MCC: variants seen among roughly 807,000 people sequenced by gnomAD.
MCC encodes the protein colorectal mutant cancer protein.
Under a neutral mutation model 116.2 loss-of-function variants are expected in MCC, and 90 were observed. That is an observed-to-expected ratio of 0.77 (90% confidence interval 0.65 to 0.92). MCC has a LOEUF of 0.92. Among genes scored for constraint, MCC ranks in the 40% least tolerant of loss-of-function variants. The probability of loss-of-function intolerance (pLI) is 0.00; values close to 1 mark genes in which losing one functional copy is unlikely to be tolerated. For synonymous variants in MCC, 578 were observed against 510.5 expected, an observed-to-expected ratio of 1.13 and a Z score of -1.78; for missense variants, 1,516 against 1,312.2, an observed-to-expected ratio of 1.16 and a Z score of -2.40.
In MCC at chr5:113,027,470, A is replaced by G. The variant is rs1580867196; in HGVS notation, c.2892T>C (p.Ala964=). 6.2e-7 allele frequency: 1 copy of G among 1,614,172 alleles called. No individual in the cohort carries two copies. The highest frequency in any genetic ancestry group is 1.3e-5 in the African/African-American group (1 of 75,052). The change falls in exon 19 of 19, where the codon GCT becomes GCC. Residue 964 remains alanine, a synonymous_variant. Coordinates refer to ENST00000408903, the MANE Select transcript of MCC (RefSeq NM_001085377.2). ...GCTTTTTCTTTGCTTTCTCATAGGC[A>G]GCCACCAGGTTGCTAGGTGGGAATG... ...DLKRANSNLV[A]AYEKAKKKHQ... is the part of the protein sequence containing the mutation.
intron 3 of MCC, among the ~76,000 whole-genome samples, chr5:113,298,765 C>T (rs1227531208): frequency 1.3e-5 from 2 of 152,100 alleles, no homozygotes; most frequent in South Asian, 2.1e-4. Flanking sequence ...GTAGGGAAGA[C>T]AAGAATTCAG....
intron 6 of MCC, among the ~76,000 whole-genome samples, chr5:113,116,011 C>T (rs532698411): frequency 1.3e-5 from 2 of 152,324 alleles, no homozygotes; most frequent in Non-Finnish European, 2.9e-5. Flanking sequence ...TGACCACAGC[C>T]CAGCTCTCAG....
chr5:113,191,366 A>T (rs376243247), intron 3 of MCC, among the ~76,000 whole-genome samples: 1 of 152,080 alleles, frequency 6.6e-6, no homozygotes, highest in Non-Finnish European at 1.5e-5. Context: ...ACTTTTTAAC[A>T]TCTCTCCTTC....
intron 3 of MCC, among the ~76,000 whole-genome samples, chr5:113,189,278 A>G (rs1324000885): frequency 1.3e-5 from 2 of 152,198 alleles, no homozygotes; most frequent in Non-Finnish European, 2.9e-5. Context: ...ACTCTCAGTT[A>G]TGGCTCTGGG....
At chr5:113,049,489 A>G (rs1752348208) in intron 15 of MCC, among the ~76,000 whole-genome samples, 190 bp from the exon 16 acceptor site, 1 of 152,226 alleles carries the variant, frequency 6.6e-6, no homozygotes, top group Non-Finnish European at 1.5e-5. Context: ...TAAAGGAATG[A>G]CGTATGGACA....
intron 1 of MCC, among the ~76,000 whole-genome samples, chr5:113,476,549 T>G (rs948334024): frequency 1.3e-5 from 2 of 152,192 alleles, no homozygotes; most frequent in East Asian, 3.8e-4. Context: ...CTCAAGTGGA[T>G]CATAGACTTA....
intron 2 of MCC, among the ~76,000 whole-genome samples, chr5:113,371,670 T>C (rs1190022331): frequency 6.6e-6 from 1 of 152,158 alleles, no homozygotes; most frequent in Non-Finnish European, 1.5e-5. Context: ...ACACAATTCT[T>C]CCAAAACAAC....
chr5:113,246,595 G>C (rs2150341580), intron 3 of MCC, among the ~76,000 whole-genome samples: 1 of 152,334 alleles, frequency 6.6e-6, no homozygotes, highest in East Asian at 1.9e-4. Context: ...TGGATACAGA[G>C]GCTGAGAGCC....
At chr5:113,471,720 G>A (rs938578984) in intron 1 of MCC, among the ~76,000 whole-genome samples, 1 of 144,708 alleles carries the variant, frequency 6.9e-6, no homozygotes, top group Non-Finnish European at 1.5e-5. Flanking sequence ...ATTTAAGTCT[G>A]CAGAGGTTAC....
At chr5:113,085,058 G>C (rs1478245656) in intron 9 of MCC, 106 bp downstream of exon 9, 13 of 1,486,604 alleles carry the variant, frequency 8.7e-6, no homozygotes, top group Non-Finnish European at 1.1e-5. Context: ...GAAGCCCCTT[G>C]TGCTGTCTCA....
At chr5:113,291,234 G>C (rs1041503641) in intron 3 of MCC, among the ~76,000 whole-genome samples, 1 of 152,264 alleles carries the variant, frequency 6.6e-6, no homozygotes, top group East Asian at 1.9e-4. Flanking sequence ...TCCTAATTGT[G>C]TATCCCTCGC....
chr5:113,473,372 A>G (rs1772146818), intron 1 of MCC, among the ~76,000 whole-genome samples: 1 of 151,996 alleles, frequency 6.6e-6, no homozygotes, highest in Non-Finnish European at 1.5e-5. Context: ...AAAAATGTTT[A>G]AATTAGCTGG....
intron 3 of MCC, among the ~76,000 whole-genome samples, chr5:113,164,575 A>G (rs778338729): frequency 6.6e-6 from 1 of 152,222 alleles, no homozygotes; most frequent in Non-Finnish European, 1.5e-5. Flanking sequence ...CGTGTCGATC[A>G]CTTTACAAGA....
chr5:113,041,628 C>T (rs931804699), intron 17 of MCC, among the ~76,000 whole-genome samples: 1 of 152,066 alleles, frequency 6.6e-6, no homozygotes, highest in Admixed American at 6.6e-5. Flanking sequence ...TCTGATATGA[C>T]CCAGCTGACA....
chr5:113,369,327 A>C lies in MCC; in HGVS notation c.415+15641T>G, dbSNP rs972546179. ...CAACCATCAGTCAACTCATTAGCAC[A>C]TAAAAATACCTCACATTTGGAGATT... On this transcript the variant is annotated intron_variant, in intron 2 of 18. Transcript: ENST00000408903. 5.3e-5 allele frequency among the ~76,000 whole-genome samples: 8 copies of C among 152,342 alleles called. No homozygotes were observed. In the East Asian group the frequency reaches 1.4e-3, roughly 26 times the overall value.
chr5:113,361,558 T>C (rs967682462), intron 2 of MCC, among the ~76,000 whole-genome samples: 1 of 152,162 alleles, frequency 6.6e-6, no homozygotes, highest in Non-Finnish European at 1.5e-5. Flanking sequence ...TCTTTAAGAG[T>C]ATATTTGTGA....
intron 1 of MCC, among the ~76,000 whole-genome samples, chr5:113,466,932 CAG>C (rs1771926328): frequency 6.6e-6 from 1 of 151,100 alleles, no homozygotes; most frequent in South Asian, 2.1e-4. Flanking sequence ...CTCTGATGGC[CAG>C]TGATGATGAG....
chr5:113,183,836 C>G (rs1214556930), intron 3 of MCC, among the ~76,000 whole-genome samples: 2 of 152,212 alleles, frequency 1.3e-5, no homozygotes, highest in East Asian at 3.9e-4. Flanking sequence ...AGAAAGGGGG[C>G]CAAAGGAATA....
chr5:113,134,972 C>T (rs1420462297), intron 5 of MCC, among the ~76,000 whole-genome samples: 2 of 144,964 alleles, frequency 1.4e-5, no homozygotes, highest in Non-Finnish European at 3.0e-5. Context: ...AACAGAGTCT[C>T]GCTCTGTCTC....
Sources: allele counts gnomAD v4.1 joint callset (sites outside exome capture counted in the v4.1 genomes callset), GRCh38; gene constraint gnomAD v4.1.1; transcripts MANE v1.5; gene names NCBI Gene and HGNC (gene_info 2026-07-23, HGNC 2026-07-21).